CD2AP: variants seen among roughly 807,000 people sequenced by gnomAD.
The protein encoded by CD2AP is CD2-associated protein.
A neutral mutation model predicts 85.1 loss-of-function variants in CD2AP; 46 were observed. That is an observed-to-expected ratio of 0.54 (90% CI 0.43 to 0.69). CD2AP has a LOEUF of 0.69. Ranked by LOEUF, CD2AP falls within the 30% of genes least tolerant of loss-of-function variation. The pLI, the probability that CD2AP is intolerant of heterozygous loss-of-function variation, is 0.00. For missense variants in CD2AP, 769 were observed against 729.5 expected (o/e 1.05, Z -0.62); for synonymous variants, 255 against 252.9 (o/e 1.01, Z -0.08).
chr6:47,606,058 A>G lies in CD2AP; in HGVS notation c.1418-107A>G, dbSNP rs1769261382. Reference sequence around the variant, plus strand: ...GGTCAATTTGTGAGTTCTTCAAAGTAGTGGTACTCTTTTTAATTTATAGTT... The same window carrying G: ...GGTCAATTTGTGAGTTCTTCAAAGTGGTGGTACTCTTTTTAATTTATAGTT... On this transcript the variant is annotated intron_variant, in intron 13 of 17. Coordinates refer to ENST00000359314, the MANE Select transcript of CD2AP (RefSeq NM_012120.3). 4.5e-6 allele frequency: 3 copies of G among 666,866 alleles called. No individual in the cohort carries two copies. The Admixed American group carries it at 7.1e-5, about 16-fold the overall frequency. 41.3% of individuals were successfully genotyped at this position (666,866 alleles called of 1,614,324 possible). A position where few individuals can be genotyped will look rare whatever the true frequency, so the allele number is the denominator to read the frequency against.
intron 6 of CD2AP, 98 bp from the exon 7 acceptor site, chr6:47,576,426 C>G (rs762889642): frequency 5.4e-5 from 45 of 827,316 alleles, no homozygotes; most frequent in Non-Finnish European, 2.7e-5. Context: ...CTATAAGTAC[C>G]ATTAGGGAAA....
intron 2 of CD2AP, among the ~76,000 whole-genome samples, chr6:47,522,404 C>G (rs1420634852): frequency 1.3e-5 from 2 of 152,158 alleles, no homozygotes; most frequent in Non-Finnish European, 2.9e-5. Flanking sequence ...GGAGGTGGTA[C>G]TACTTACTTT....
Position 47,577,076 on chromosome 6 carries a change from G to A in CD2AP, c.876G>A (p.Glu292=), listed in dbSNP as rs1232148399. ...ATGAAGATGAACTTACTTTTAAAGA[G>A]GGGGAGATAATCCATTTGATAAGTA... ...GTNEDELTFK[E]GEIIHLISKE... is the part of the protein sequence containing the mutation. The change falls in exon 8 of 18, where the codon GAG becomes GAA. Residue 292 remains glutamate, a synonymous_variant. Coordinates refer to ENST00000359314, the MANE Select transcript of CD2AP (RefSeq NM_012120.3). 4.6e-6 allele frequency: 7 copies of A among 1,528,892 alleles called. No homozygotes were observed. In the East Asian group the frequency reaches 1.6e-4, roughly 34 times the overall value. The allele number at this position is 1,528,892 out of a possible 1,614,324, so 94.7% of individuals were successfully genotyped here.
chr6:47,572,345 G>A (rs1768180196), intron 5 of CD2AP, among the ~76,000 whole-genome samples: 1 of 152,198 alleles, frequency 6.6e-6, no homozygotes, highest in Admixed American at 6.5e-5. Flanking sequence ...TGCGACATTT[G>A]TCAAACATTA....
chr6:47,495,839 T>G (rs1765845269), intron 1 of CD2AP, among the ~76,000 whole-genome samples: 1 of 152,216 alleles, frequency 6.6e-6, no homozygotes, highest in African/African-American at 2.4e-5. Flanking sequence ...TTTATGCTTT[T>G]TCTGTTATTT....
chr6:47,553,743 T>G (rs1767596484), intron 4 of CD2AP, among the ~76,000 whole-genome samples: 2 of 152,070 alleles, frequency 1.3e-5, no homozygotes, highest in African/African-American at 2.4e-5. Context: ...TATTAAATAT[T>G]AAAAATTTCA....
At chr6:47,623,174 T>C (rs1769809971) in intron 17 of CD2AP, among the ~76,000 whole-genome samples, 2 of 152,232 alleles carry the variant, frequency 1.3e-5, no homozygotes, top group South Asian at 4.1e-4. Flanking sequence ...GGTTCTTGAG[T>C]AGTTATAATC....
At chr6:47,614,234 A>G (rs550183911) in intron 17 of CD2AP, among the ~76,000 whole-genome samples, 7 of 152,224 alleles carry the variant, frequency 4.6e-5, no homozygotes, top group Non-Finnish European at 1.0e-4. Context: ...TGTTTGGGGC[A>G]AAAGGCCAAT....
Position 47,612,536 on chromosome 6 carries a change from G to A in CD2AP, c.1878G>A (p.Glu626=). ...AGAAGACAATGAGAAGTAATCTAGAGGTAATTAATTTCTTCCAGCATTGAG... is the reference window on the plus strand; with the variant it reads ...AGAAGACAATGAGAAGTAATCTAGAAGTAATTAATTTCTTCCAGCATTGAG... ...EEEKTMRSNL[E]MEIEKLKKAV... Residue 626 remains glutamate, a splice_region_variant and synonymous_variant, in exon 17 of 18, where the codon GAG becomes GAA. Transcript: ENST00000359314. The A allele has an allele frequency of 6.2e-7, 1 of 1,601,346 alleles. No individual in the cohort carries two copies.
In CD2AP at chr6:47,481,756, T is replaced by A. The variant is rs191594572; in HGVS notation, c.4+3508T>A. Among the ~76,000 whole-genome samples, 209 of 152,324 alleles carry A rather than the reference T, an allele frequency of 1.4e-3. 1 individual carries two copies. Among genetic ancestry groups the A allele is most frequent in the South Asian group, 5.4e-3 (26 of 4,830 alleles). Reference sequence around the variant, plus strand: ...GTTGTACTGTTTGGAGAAAATATTTTAAAAATTTTTATTTATATGTTATTT... The same window carrying A: ...GTTGTACTGTTTGGAGAAAATATTTAAAAAATTTTTATTTATATGTTATTT... On this transcript the variant is annotated intron_variant, in intron 1 of 17. Transcript: ENST00000359314.
intron 2 of CD2AP, among the ~76,000 whole-genome samples, chr6:47,512,669 T>C (rs1461068187): frequency 1.3e-5 from 2 of 152,254 alleles, no homozygotes; most frequent in African/African-American, 2.4e-5. Flanking sequence ...ATGAACTTAA[T>C]GTACAGAATA....
chr6:47,540,174 CAAAAAA>C (rs373888400), intron 3 of CD2AP, among the ~76,000 whole-genome samples: 4 of 55,652 alleles, frequency 7.2e-5, no homozygotes, highest in African/African-American at 1.3e-4. Context: ...GGCCCTGTCT[CAAAAAA>C]AAAAAAAAAA....
intron 17 of CD2AP, among the ~76,000 whole-genome samples, chr6:47,620,360 G>C (rs1040250617): frequency 6.6e-6 from 1 of 152,170 alleles, no homozygotes; most frequent in African/African-American, 2.4e-5. Context: ...TCAGTTGGCT[G>C]TAAGTATTTG....
At chr6:47,485,374 T>C (rs1180074698) in intron 1 of CD2AP, among the ~76,000 whole-genome samples, 2 of 151,802 alleles carry the variant, frequency 1.3e-5, no homozygotes, top group Non-Finnish European at 2.9e-5. Flanking sequence ...TTGTGTCTTA[T>C]AAGAAAAAGG....
At chr6:47,618,829 C>T (rs1407898578) in intron 17 of CD2AP, among the ~76,000 whole-genome samples, 1 of 152,140 alleles carries the variant, frequency 6.6e-6, no homozygotes, top group Non-Finnish European at 1.5e-5. Context: ...TGGCCTCTCA[C>T]TGACTTGTAT....
At chr6:47,568,026 C>T (rs943873579) in intron 5 of CD2AP, among the ~76,000 whole-genome samples, 22 of 151,972 alleles carry the variant, frequency 1.4e-4, no homozygotes, top group Non-Finnish European at 1.2e-4. Flanking sequence ...TGGAGAGACA[C>T]GTGTAGAATA....
intron 2 of CD2AP, among the ~76,000 whole-genome samples, chr6:47,505,011 C>CTTTT (rs58060161): frequency 8.7e-4 from 83 of 95,098 alleles, no homozygotes; most frequent in African/African-American, 2.7e-3. Context: ...GTGGCAGTTT[C>CTTTT]TTTTTTTTTT....
chr6:47,549,838 C>T (rs1003518095), intron 4 of CD2AP, among the ~76,000 whole-genome samples: 40 of 152,118 alleles, frequency 2.6e-4, no homozygotes, highest in African/African-American at 8.4e-4. Flanking sequence ...ACCAAAACAG[C>T]ATGGTACTGG....
chr6:47,588,460 T>C (rs1048241243), intron 11 of CD2AP, among the ~76,000 whole-genome samples: 2 of 152,162 alleles, frequency 1.3e-5, no homozygotes, highest in African/African-American at 4.8e-5. Context: ...GATTCCAGAT[T>C]ATGACGTGTT....
Sources: allele counts gnomAD v4.1 joint callset (sites outside exome capture counted in the v4.1 genomes callset), GRCh38; gene constraint gnomAD v4.1.1; transcripts MANE v1.5; gene names NCBI Gene and HGNC (gene_info 2026-07-23, HGNC 2026-07-21).